MYH11: variants seen among roughly 807,000 people sequenced by gnomAD.
MYH11 encodes the protein myosin-11.
Under a neutral mutation model 246.6 loss-of-function variants are expected in MYH11, and 80 were observed. The ratio of observed to expected loss-of-function variants is 0.32; its 90% CI spans 0.27 to 0.39. The LOEUF is 0.39. Among genes scored for constraint, MYH11 ranks in the 10% least tolerant of loss-of-function variants. MYH11 has a pLI of 1.00. For missense variants in MYH11, 2,158 were observed against 2,546.8 expected (o/e 0.85, Z 3.29); for synonymous variants, 1,071 against 1,015.5 (o/e 1.05, Z -1.04).
intron 37 of MYH11, 130 bp downstream of exon 37, chr16:15,718,185 C>T: frequency 3.4e-6 from 5 of 1,465,648 alleles, no homozygotes; most frequent in Non-Finnish European, 4.7e-6. Context: ...ACTCTCAGGC[C>T]CCACCACCCT....
intron 40 of MYH11, among the ~76,000 whole-genome samples, chr16:15,710,659 C>T (rs2039730119): frequency 1.3e-5 from 2 of 151,884 alleles, no homozygotes; most frequent in Non-Finnish European, 2.9e-5. Context: ...TGGTTGCCAG[C>T]AGAGCACATC....
Position 15,735,485 on chromosome 16 carries a change from T to C in MYH11, c.3387A>G (p.Ser1129=). The C allele has an allele frequency of 6.2e-7, 1 of 1,614,180 alleles. No homozygotes were observed. Among genetic ancestry groups the C allele is most frequent in the Non-Finnish European group, 8.5e-7 (1 of 1,180,034 alleles). ...HISDLQEDLD[S]ERAARNKAEK... is the part of the protein sequence containing the mutation. ...CAGCCTTGTTCCTGGCGGCCCGCTC[T>C]GAGTCCAGGTCCTCCTGGAGGTCTG... The change falls in exon 26 of 41, where the codon TCA becomes TCG. Residue 1129 remains serine (S), a synonymous_variant. Transcript: ENST00000300036.
rs752441599 is a variant in MYH11, at chr16:15,838,183, G to C, written c.70C>G (p.Pro24Ala). 1.1e-5 allele frequency: 18 copies of C among 1,614,096 alleles called. No individual in the cohort carries two copies. The highest frequency in any genetic ancestry group is 1.6e-4 in the Middle Eastern group (1 of 6,062). Residue 24 changes from proline (P) to alanine (A), a missense_variant, in exon 2 of 41, where the codon CCA becomes GCA. Coordinates refer to ENST00000300036, the MANE Select transcript of MYH11 (RefSeq NM_002474.3). ...GCGGCCCAGTCAGCCTGGGCCACTG[G>C]GCTGTTGATGAAGTTTTTGTCCACA... ...LFVDKNFINSPVAQADWAAKR... is the reference protein window; with the variant it reads ...LFVDKNFINSAVAQADWAAKR...
intron 38 of MYH11, among the ~76,000 whole-genome samples, chr16:15,715,793 T>TA (rs1177414860): frequency 6.6e-6 from 1 of 151,990 alleles, no homozygotes; most frequent in Admixed American, 6.5e-5. Context: ...ACTACAGGCG[T>TA]ACACCAGCAT....
intron 2 of MYH11, among the ~76,000 whole-genome samples, chr16:15,832,805 C>T (rs1177610372): frequency 6.6e-6 from 1 of 152,036 alleles, no homozygotes; most frequent in Non-Finnish European, 1.5e-5. Context: ...CTGCTCTAAG[C>T]CTATTACCCC....
Position 15,750,365 on chromosome 16 carries a change from G to A in MYH11, c.1865-34C>T. The stretch of plus-strand genomic sequence containing the variant: ...CACAGCCAGGGTGGCATCAGCCTCT[G>A]GCCCACCCACCCCTAAATAGGCCAG... On this transcript the variant is annotated intron_variant, in intron 15 of 40. Coordinates refer to ENST00000300036, the MANE Select transcript of MYH11 (RefSeq NM_002474.3). The surrounding 1 kb of genome is among the most constrained non-coding windows in gnomAD (Gnocchi z 4.3). 1 of 1,557,438 alleles carries A rather than the reference G, an allele frequency of 6.4e-7. No homozygotes were observed. The highest frequency in any genetic ancestry group is 8.7e-7 in the Non-Finnish European group (1 of 1,154,004).
intron 11 of MYH11, among the ~76,000 whole-genome samples, chr16:15,760,260 G>C (rs1408198648): frequency 1.3e-5 from 2 of 152,122 alleles, no homozygotes; most frequent in Admixed American, 6.6e-5. Flanking sequence ...TGGACGGACA[G>C]ATGGACAGAT....
chr16:15,730,903 C>T (rs1006436924), intron 27 of MYH11, among the ~76,000 whole-genome samples: 4 of 152,194 alleles, frequency 2.6e-5, no homozygotes, highest in African/African-American at 7.2e-5. Context: ...GTTCCAACAA[C>T]GGGAGAGTGA....
At chr16:15,781,121 G>C (rs974303419) in intron 6 of MYH11, among the ~76,000 whole-genome samples, 3 of 152,158 alleles carry the variant, frequency 2.0e-5, no homozygotes, top group Non-Finnish European at 2.9e-5. Flanking sequence ...GCCCAGGCTG[G>C]TCTCAAACTC....
chr16:15,727,176 C>T, intron 27 of MYH11, 122 bp from the exon 28 acceptor site: 2 of 818,350 alleles, frequency 2.4e-6, no homozygotes, highest in Non-Finnish European at 4.1e-6. Flanking sequence ...CACACAATCA[C>T]CAGTAAGAGA....
intron 1 of MYH11, among the ~76,000 whole-genome samples, chr16:15,840,015 C>T (rs1326183369): frequency 3.9e-5 from 6 of 152,108 alleles, no homozygotes; most frequent in Non-Finnish European, 7.4e-5. Context: ...TGCACCATTG[C>T]ACTCCAGCCT....
At chr16:15,775,523 A>G (rs576591875) in intron 8 of MYH11, among the ~76,000 whole-genome samples, 2 of 152,308 alleles carry the variant, frequency 1.3e-5, no homozygotes, top group African/African-American at 4.8e-5. Context: ...CTCTTGTATT[A>G]CAATGGCAGA....
At chr16:15,710,631 C>A (rs1437891601) in intron 40 of MYH11, among the ~76,000 whole-genome samples, 2 of 151,678 alleles carry the variant, frequency 1.3e-5, no homozygotes, top group Admixed American at 1.3e-4. Flanking sequence ...CCCAGCCACT[C>A]AGGAGAGGCA....
intron 23 of MYH11, 24 bp from the exon 24 acceptor site, chr16:15,738,712 T>C: frequency 6.2e-7 from 1 of 1,612,538 alleles, no homozygotes; most frequent in East Asian, 2.2e-5. Flanking sequence ...GAGAAAGAGA[T>C]AGCTTTAGGA....
At chr16:15,705,532 T>C (rs948145331) in intron 40 of MYH11, among the ~76,000 whole-genome samples, 4 of 152,182 alleles carry the variant, frequency 2.6e-5, no homozygotes, top group East Asian at 1.9e-4. Context: ...CAAATAATTA[T>C]GTTGGGCTCT....
rs574531349 is a variant in MYH11, at chr16:15,712,081, G to A, written c.5786+2828C>T. Among the ~76,000 whole-genome samples the A allele has an allele frequency of 2.6e-5, 4 of 152,324 alleles. No homozygotes were observed. In the East Asian group the frequency reaches 5.8e-4, roughly 22 times the overall value. ...AGACCAAAACGTTAAGAAGGACCAC[G>A]AGGTTTGTGATGTGAATTGTTGGCA... On this transcript the variant is annotated intron_variant, in intron 40 of 40. Transcript: ENST00000300036.
At chr16:15,752,250 G>A (rs530795409) in intron 15 of MYH11, among the ~76,000 whole-genome samples, 2 of 152,108 alleles carry the variant, frequency 1.3e-5, no homozygotes, top group East Asian at 3.9e-4. Context: ...ATATGGTTAG[G>A]GCACAGCTGG....
chr16:15,770,864 A>G (rs1292996196), intron 9 of MYH11, among the ~76,000 whole-genome samples: 2 of 152,228 alleles, frequency 1.3e-5, no homozygotes, highest in African/African-American at 4.8e-5. Context: ...GCTGGAACCC[A>G]GCTATGTTGC....
chr16:15,854,427 T>C (rs2044409015), intron 1 of MYH11, among the ~76,000 whole-genome samples: 1 of 152,216 alleles, frequency 6.6e-6, no homozygotes, highest in African/African-American at 2.4e-5. Context: ...TGTAGAATCT[T>C]CTTTTCCTTA....
Sources: gnomAD v4.1 joint callset for allele counts (sites outside exome capture counted in the v4.1 genomes callset) on GRCh38, gnomAD v4.1.1 for gene constraint, Gnocchi (gnomAD v3.1) non-coding constraint, MANE v1.5 for transcripts, NCBI Gene and HGNC (gene_info 2026-07-23, HGNC 2026-07-21) for gene names.